Variants in GHR observed in about 807,000 individuals in gnomAD.
GHR encodes growth hormone receptor.
In GHR, 35 loss-of-function variants were observed where a neutral mutation model predicts 67.1. That is an observed-to-expected ratio of 0.52 (90% CI 0.40 to 0.69). The LOEUF (loss-of-function observed/expected upper bound fraction) is 0.69. GHR is among the 30% of genes least tolerant of loss of function. The pLI is 0.00. For synonymous variants in GHR, 272 were observed against 269.1 expected (o/e 1.01, Z -0.10); for missense variants, 792 against 764.6 (o/e 1.04, Z -0.42).
At chr5:42,441,666 C>T (rs928403682) in intron 1 of GHR, among the ~76,000 whole-genome samples, 20 of 152,064 alleles carry the variant, frequency 1.3e-4, no homozygotes, top group Non-Finnish European at 1.6e-4. Context: ...CCCTCCACCA[C>T]GCCCAGCTAA....
intron 1 of GHR, among the ~76,000 whole-genome samples, chr5:42,552,874 G>C (rs1035220693): frequency 1.6e-4 from 24 of 152,264 alleles, no homozygotes; most frequent in African/African-American, 5.5e-4. Context: ...TTTGGTCCCA[G>C]GTAGTTGGAA....
At position 42,424,512 on chromosome 5, in the gene GHR, T is replaced by G; in HGVS notation, c.-12+557T>G. On this transcript the variant is annotated intron_variant, in intron 1 of 9. Transcript: ENST00000230882. This position sits in a 1 kb window ranked among gnomAD's most constrained non-coding sequence, Gnocchi z 4.1. ...ACAGCGCGCAGAGCGCGCGGTCTTT[T>G]GCGCGTTTGTGCGGGCCGCAGCCGC... 7.4e-7 allele frequency: 1 copy of G among 1,355,512 alleles called. No homozygotes were observed. The highest frequency in any genetic ancestry group is 1.2e-5 in the South Asian group (1 of 80,520). The allele number at this position is 1,355,512 out of a possible 1,614,324, so 84.0% of individuals were successfully genotyped here.
intron 3 of GHR, among the ~76,000 whole-genome samples, chr5:42,659,565 C>T (rs545859785): frequency 3.5e-4 from 53 of 152,238 alleles, no homozygotes; most frequent in Admixed American, 1.1e-3. Flanking sequence ...CATCCTCACA[C>T]GGCCAAAAGG....
At chr5:42,565,574 G>A (rs1013547040) in intron 1 of GHR, 39 of 985,250 alleles carry the variant, frequency 4.0e-5, no homozygotes, top group Non-Finnish European at 4.3e-5. Context: ...CATGGGGGTC[G>A]TTTGCTGTGA....
intron 1 of GHR, among the ~76,000 whole-genome samples, chr5:42,546,716 T>C (rs1294255508): frequency 6.6e-6 from 1 of 152,138 alleles, no homozygotes; most frequent in Non-Finnish European, 1.5e-5. Flanking sequence ...TTTCAAAGCA[T>C]ATTTGTGTGT....
intron 3 of GHR, among the ~76,000 whole-genome samples, chr5:42,648,641 T>C (rs1233243479): frequency 1.3e-5 from 2 of 151,872 alleles, no homozygotes; most frequent in Non-Finnish European, 2.9e-5. Flanking sequence ...TCCTACTCCC[T>C]GTTCTGTTCT....
chr5:42,545,188 AT>A (rs1483931658), intron 1 of GHR, among the ~76,000 whole-genome samples: 1 of 152,276 alleles, frequency 6.6e-6, no homozygotes, highest in East Asian at 1.9e-4. Context: ...GATTTCAAGC[AT>A]TTTCTCTTGG....
chr5:42,681,756 G>A (rs561306949), intron 3 of GHR, among the ~76,000 whole-genome samples: 21 of 152,004 alleles, frequency 1.4e-4, no homozygotes, highest in Non-Finnish European at 2.6e-4. Flanking sequence ...CTAACATGGT[G>A]AAACCCCATC....
At chr5:42,567,181 A>C (rs1749989864) in intron 2 of GHR, among the ~76,000 whole-genome samples, 1 of 152,176 alleles carries the variant, frequency 6.6e-6, no homozygotes. Context: ...TGGTGGCTTA[A>C]TCTCTCGTTT....
At chr5:42,677,277 G>A (rs1756616733) in intron 3 of GHR, among the ~76,000 whole-genome samples, 1 of 152,078 alleles carries the variant, frequency 6.6e-6, no homozygotes, top group Admixed American at 6.5e-5. Flanking sequence ...ACTTCAGAGT[G>A]CCCAGGTCAC....
rs959482003 is a variant in GHR, at chr5:42,538,089, G to C, written c.-11-27775G>C. Among the ~76,000 whole-genome samples the C allele has an allele frequency of 2.6e-5, 4 of 152,134 alleles. No individual in the cohort carries two copies. In the South Asian group the frequency reaches 8.3e-4, roughly 31 times the overall value. On this transcript the variant is annotated intron_variant, in intron 1 of 9. Transcript: ENST00000230882. ...AGTCTCCTGAAGGCAGCAGATACTTGGTTGGTGAGTTCTTATCTATTCTGC... is the reference window on the plus strand; with the variant it reads ...AGTCTCCTGAAGGCAGCAGATACTTCGTTGGTGAGTTCTTATCTATTCTGC...
At chr5:42,436,204 G>C (rs1015638540) in intron 1 of GHR, among the ~76,000 whole-genome samples, 3 of 152,170 alleles carry the variant, frequency 2.0e-5, no homozygotes, top group Non-Finnish European at 4.4e-5. Context: ...ATGAGACCAA[G>C]GGAAGTTAAG....
At chr5:42,602,894 T>C (rs1317055940) in intron 2 of GHR, among the ~76,000 whole-genome samples, 1 of 152,208 alleles carries the variant, frequency 6.6e-6, no homozygotes, top group Non-Finnish European at 1.5e-5. Flanking sequence ...TTAGTTTTTA[T>C]AGTAGAATGA....
chr5:42,644,173 C>T (rs926024185), intron 3 of GHR, among the ~76,000 whole-genome samples: 9 of 152,046 alleles, frequency 5.9e-5, no homozygotes, highest in Non-Finnish European at 1.2e-4. Context: ...CTTGGACCCA[C>T]GTTAATCTTA....
intron 1 of GHR, among the ~76,000 whole-genome samples, chr5:42,470,092 TATTA>T (rs1165170212): frequency 6.8e-6 from 1 of 147,560 alleles, no homozygotes; most frequent in Non-Finnish European, 1.5e-5. Context: ...TAACATATTA[TATTA>T]TATGTCAATA....
chr5:42,693,739 G>A (rs1033515487), intron 4 of GHR, among the ~76,000 whole-genome samples: 2 of 152,132 alleles, frequency 1.3e-5, no homozygotes, highest in African/African-American at 4.8e-5. Flanking sequence ...CAGAGGGATG[G>A]TCCCAAACCT....
intron 7 of GHR, among the ~76,000 whole-genome samples, chr5:42,713,024 C>G (rs1448059030): frequency 1.3e-5 from 2 of 151,606 alleles, no homozygotes; most frequent in Non-Finnish European, 2.9e-5. Flanking sequence ...AATCACCACA[C>G]TTAAAAAAAA....
At chr5:42,577,299 T>A (rs937065108) in intron 2 of GHR, among the ~76,000 whole-genome samples, 15 of 152,240 alleles carry the variant, frequency 9.9e-5, no homozygotes, top group African/African-American at 3.1e-4. Context: ...CTAAGGTTCC[T>A]TTCTTCCTGG....
At position 42,719,302 on chromosome 5, in the gene GHR, C is replaced by T; in HGVS notation, c.1795C>T (p.His599Tyr). The T allele has an allele frequency of 6.2e-7, 1 of 1,614,148 alleles. No homozygotes were observed. The highest frequency in any genetic ancestry group is 1.1e-5 in the South Asian group (1 of 91,084). The change falls in exon 10 of 10, where the codon CAT becomes TAT. Residue 599 changes from histidine to tyrosine, a missense_variant. Transcript: ENST00000230882. ...EMPVPDYTSI[H>Y]IVQSPQGLIL... Reference sequence around the variant, plus strand: ...GCCTGTCCCAGACTATACCTCCATTCATATAGTACAGTCCCCACAGGGCCT... The same window carrying T: ...GCCTGTCCCAGACTATACCTCCATTTATATAGTACAGTCCCCACAGGGCCT...
Sources: allele counts gnomAD v4.1 joint callset (sites outside exome capture counted in the v4.1 genomes callset), GRCh38; gene constraint gnomAD v4.1.1; non-coding constraint Gnocchi (gnomAD v3.1); transcripts MANE v1.5; gene names NCBI Gene and HGNC (gene_info 2026-07-23, HGNC 2026-07-21).